The following ME1 variants were observed in gnomAD, a reference collection of about 807,000 sequenced individuals.
ME1 encodes the protein malic enzyme 1, also known as NADP-dependent malic enzyme.
ME1 carries 74 observed loss-of-function variants against 66.4 expected under a neutral mutation model. That is an observed-to-expected ratio of 1.11 (90% CI 0.92 to 1.35). ME1 has a LOEUF of 1.35. Ranked by LOEUF, ME1 falls within the 40% of genes most tolerant of loss-of-function variation. The probability of loss-of-function intolerance (pLI) is 0.00; values close to 1 mark genes in which losing one functional copy is unlikely to be tolerated. For missense variants in ME1, 750 were observed against 694.1 expected (o/e 1.08, Z -0.90); for synonymous variants, 251 against 235.6 (o/e 1.07, Z -0.60).
intron 6 of ME1, among the ~76,000 whole-genome samples, chr6:83,301,302 TTC>T (rs1046563049): frequency 1.5e-5 from 2 of 133,210 alleles, no homozygotes; most frequent in Non-Finnish European, 3.0e-5. Context: ...CTTTCTTTCC[TTC>T]TTTCTTTCTT....
At chr6:83,340,329 T>C (rs966798073) in intron 5 of ME1, among the ~76,000 whole-genome samples, 4 of 152,222 alleles carry the variant, frequency 2.6e-5, no homozygotes, top group Admixed American at 6.5e-5. Context: ...ATAACGGGTG[T>C]CCTGTCTTTT....
intron 8 of ME1, 125 bp from the exon 9 acceptor site, chr6:83,237,955 A>T (rs930576152): frequency 2.0e-6 from 1 of 493,984 alleles, no homozygotes; most frequent in Non-Finnish European, 3.6e-6. Context: ...GGTTAAGCCA[A>T]ATAACAATTA....
chr6:83,423,725 G>C (rs914705976), intron 1 of ME1, among the ~76,000 whole-genome samples: 4 of 152,114 alleles, frequency 2.6e-5, no homozygotes, highest in Non-Finnish European at 5.9e-5. Context: ...CTTGAGCCTT[G>C]AGGTCAAGGC....
intron 6 of ME1, among the ~76,000 whole-genome samples, chr6:83,279,481 A>C (rs918372136): frequency 3.3e-5 from 5 of 152,190 alleles, no homozygotes; most frequent in Non-Finnish European, 7.3e-5. Flanking sequence ...AAGTCAAAGT[A>C]ACAGTACCAG....
Position 83,295,176 on chromosome 6 carries a change from T to C in ME1, c.704+20134A>G, listed in dbSNP as rs569488029. Among the ~76,000 whole-genome samples, 300 of 152,296 alleles carry C rather than the reference T, an allele frequency of 2.0e-3. 2 individuals are homozygous for C. Among genetic ancestry groups the C allele is most frequent in the Non-Finnish European group, 3.8e-3 (257 of 68,024 alleles). Reference sequence around the variant, plus strand: ...AAAATACTTTGGTAACATACCCCCATGTGAAACCAAAGACAAGAAGACAGC... The same window carrying C: ...AAAATACTTTGGTAACATACCCCCACGTGAAACCAAAGACAAGAAGACAGC... On this transcript the variant is annotated intron_variant, in intron 6 of 13. Coordinates refer to ENST00000369705, the MANE Select transcript of ME1 (RefSeq NM_002395.6).
chr6:83,211,965 G>A lies in ME1; in HGVS notation c.1678C>T (p.Pro560Ser), dbSNP rs529357056. ...GTCTGTATTTTCTGCACCTCTTCAG[G>A]CCAAGAATAACAATCAGGTAGAATC... Reference protein sequence around the residue: ...DQILPDCYSWPEEVQKIQTKV... With the variant: ...DQILPDCYSWSEEVQKIQTKV... The change falls in exon 14 of 14, where the codon CCT (proline) becomes TCT (serine). Residue 560 changes from proline (P) to serine (S), a missense_variant. By Grantham distance (74) the Pro-to-Ser change is moderately conservative (BLOSUM62 -1). Transcript: ENST00000369705. 343 of 1,607,246 alleles carry A rather than the reference G, an allele frequency of 2.1e-4. 6 individuals are homozygous for A. The South Asian group carries it at 3.8e-3, about 18-fold the overall frequency.
intron 3 of ME1, among the ~76,000 whole-genome samples, chr6:83,395,058 A>G (rs981430848): frequency 2.6e-5 from 4 of 151,918 alleles, no homozygotes; most frequent in African/African-American, 9.7e-5. Flanking sequence ...ATCAAAGGCA[A>G]GCTTAATTAT....
chr6:83,348,856 C>T (rs1239994707), intron 4 of ME1, among the ~76,000 whole-genome samples: 3 of 151,064 alleles, frequency 2.0e-5, no homozygotes, highest in Non-Finnish European at 4.4e-5. Flanking sequence ...GGCGTGGTGG[C>T]GAGTAGCCTC....
chr6:83,377,353 A>T lies in ME1; in HGVS notation c.362+21014T>A, dbSNP rs138271341. 2.6e-4 allele frequency among the ~76,000 whole-genome samples: 39 copies of T among 152,258 alleles called. No individual in the cohort carries two copies. In the East Asian group the frequency reaches 6.6e-3, roughly 26 times the overall value. ...TATATCTCTACATGTTTTTTGGCAC[A>T]TGACTTGGAAACAGTTCTAAGAATT... On this transcript the variant is annotated intron_variant, in intron 3 of 13. Coordinates refer to ENST00000369705, the MANE Select transcript of ME1 (RefSeq NM_002395.6).
intron 6 of ME1, among the ~76,000 whole-genome samples, chr6:83,278,454 T>A (rs1767230637): frequency 6.6e-6 from 1 of 152,128 alleles, no homozygotes; most frequent in Non-Finnish European, 1.5e-5. Context: ...GTTTATTTTA[T>A]TTTTAGAGAG....
chr6:83,402,970 T>G (rs1201487188), intron 2 of ME1, among the ~76,000 whole-genome samples: 2 of 152,250 alleles, frequency 1.3e-5, no homozygotes, highest in African/African-American at 2.4e-5. Flanking sequence ...ACAATCCATA[T>G]GCAAATTTCA....
intron 3 of ME1, among the ~76,000 whole-genome samples, chr6:83,375,110 T>C (rs965155255): frequency 2.0e-5 from 3 of 152,028 alleles, no homozygotes; most frequent in African/African-American, 7.3e-5. Flanking sequence ...AAATTTAAAG[T>C]AGTTTTTCTA....
At chr6:83,261,840 C>T (rs1165010203) in intron 6 of ME1, among the ~76,000 whole-genome samples, 1 of 151,694 alleles carries the variant, frequency 6.6e-6, no homozygotes, top group Non-Finnish European at 1.5e-5. Context: ...ATGGTGAAAC[C>T]CTGTCTCTAC....
At chr6:83,267,507 G>A (rs1767007947) in intron 6 of ME1, among the ~76,000 whole-genome samples, 1 of 152,186 alleles carries the variant, frequency 6.6e-6, no homozygotes. Flanking sequence ...GTGCAGCCCA[G>A]TCAGAGGAGA....
intron 5 of ME1, among the ~76,000 whole-genome samples, chr6:83,331,013 GACTAAACATAAA>G (rs1768397662): frequency 6.6e-6 from 1 of 152,114 alleles, no homozygotes; most frequent in African/African-American, 2.4e-5. Context: ...CCAGAGGCCA[GACTAAACATAAA>G]ACTAGACACA....
intron 1 of ME1, among the ~76,000 whole-genome samples, chr6:83,417,354 GTTT>G (rs954207503): frequency 6.9e-6 from 1 of 145,646 alleles, no homozygotes; most frequent in Non-Finnish European, 1.5e-5. Context: ...TAACTAACAT[GTTT>G]TTTTTGTTGT....
At chr6:83,281,360 T>A (rs1219469259) in intron 6 of ME1, among the ~76,000 whole-genome samples, 4 of 152,226 alleles carry the variant, frequency 2.6e-5, no homozygotes, top group Non-Finnish European at 5.9e-5. Context: ...CCATTCGTTC[T>A]ATAAAAGCCA....
chr6:83,332,755 T>C (rs1768439582), intron 5 of ME1, among the ~76,000 whole-genome samples: 1 of 151,990 alleles, frequency 6.6e-6, no homozygotes, highest in African/African-American at 2.4e-5. Flanking sequence ...GAGACTCAGA[T>C]GGGAGGAGGG....
intron 3 of ME1, among the ~76,000 whole-genome samples, chr6:83,354,606 T>A (rs1375891217): frequency 2.6e-5 from 4 of 152,182 alleles, no homozygotes; most frequent in Non-Finnish European, 5.9e-5. Flanking sequence ...ATAACAGTAG[T>A]CAGTGCACCT....
Sources: allele counts gnomAD v4.1 joint callset (sites outside exome capture counted in the v4.1 genomes callset), GRCh38; gene constraint gnomAD v4.1.1; transcripts MANE v1.5; gene names NCBI Gene and HGNC (gene_info 2026-07-23, HGNC 2026-07-21).